PLD5: variants seen among roughly 807,000 people sequenced by gnomAD.
The protein encoded by PLD5 is inactive phospholipase D5.
Under a neutral mutation model 61.1 loss-of-function variants are expected in PLD5, and 36 were observed. That is an observed-to-expected ratio of 0.59 (90% CI 0.45 to 0.78). The LOEUF is 0.78. Ranked by LOEUF, PLD5 falls within the 30% of genes least tolerant of loss-of-function variation. The pLI, the probability that PLD5 is intolerant of heterozygous loss-of-function variation, is 0.00. For missense variants in PLD5, 515 were observed against 644.4 expected, an observed-to-expected ratio of 0.80 and a Z score of 2.17; for synonymous variants, 243 against 242.8, an observed-to-expected ratio of 1.00 and a Z score of -0.01.
chr1:242,179,457 A>G (rs1034459281), intron 5 of PLD5, among the ~76,000 whole-genome samples: 24 of 152,124 alleles, frequency 1.6e-4, no homozygotes, highest in African/African-American at 5.1e-4. Context: ...TCCCACCCCT[A>G]TTCTCTCAGT....
At chr1:242,274,671 G>T (rs552190280) in intron 3 of PLD5, among the ~76,000 whole-genome samples, 2 of 152,014 alleles carry the variant, frequency 1.3e-5, no homozygotes, top group African/African-American at 4.8e-5. Flanking sequence ...GGAGAATGGC[G>T]TGAACCCGGG....
At chr1:242,512,397 G>A (rs1181706403) in intron 1 of PLD5, among the ~76,000 whole-genome samples, 1 of 144,830 alleles carries the variant, frequency 6.9e-6, no homozygotes, top group Admixed American at 7.0e-5. Flanking sequence ...TCCAGCCCGG[G>A]TGACAGAGAC....
chr1:242,116,824 A>AT (rs1661983033), intron 6 of PLD5, among the ~76,000 whole-genome samples: 1 of 151,942 alleles, frequency 6.6e-6, no homozygotes, highest in African/African-American at 2.4e-5. Context: ...TTGATCATTT[A>AT]TTTTTTTCTT....
intron 1 of PLD5, among the ~76,000 whole-genome samples, chr1:242,386,336 A>G (rs1329304707): frequency 6.6e-6 from 1 of 152,178 alleles, no homozygotes; most frequent in Non-Finnish European, 1.5e-5. Flanking sequence ...AACAGGATAC[A>G]TTTGCAATAT....
At chr1:242,390,680 T>C (rs1265818287) in intron 1 of PLD5, among the ~76,000 whole-genome samples, 2 of 152,088 alleles carry the variant, frequency 1.3e-5, no homozygotes, top group African/African-American at 4.8e-5. Flanking sequence ...AGTAAAAACA[T>C]AAAGTTCCTG....
chr1:242,482,244 A>G (rs1013064751), intron 1 of PLD5, among the ~76,000 whole-genome samples: 4 of 152,242 alleles, frequency 2.6e-5, no homozygotes, highest in Non-Finnish European at 4.4e-5. Context: ...AAGGCTTCAG[A>G]CAATCAAACT....
chr1:242,128,783 C>T (rs1019830756), intron 5 of PLD5, among the ~76,000 whole-genome samples: 37 of 152,108 alleles, frequency 2.4e-4, no homozygotes, highest in African/African-American at 8.2e-4. Flanking sequence ...ATGGAGCAGG[C>T]TCTGGAGACA....
intron 1 of PLD5, among the ~76,000 whole-genome samples, chr1:242,437,338 A>G (rs769598209): frequency 6.6e-6 from 1 of 152,166 alleles, no homozygotes; most frequent in Non-Finnish European, 1.5e-5. Flanking sequence ...ACCGCCTGCC[A>G]AAGAAGTGAT....
chr1:242,449,391 A>G, intron 1 of PLD5: 1 of 1,536,090 alleles, frequency 6.5e-7, no homozygotes, highest in East Asian at 2.4e-5. Flanking sequence ...TGCGGAGTCC[A>G]GCAGCCAGGA....
chr1:242,112,283 CTGTGTGTGTGTGTGTG>C (rs748175841), intron 7 of PLD5, among the ~76,000 whole-genome samples: 13 of 119,760 alleles, frequency 1.1e-4, no homozygotes, highest in South Asian at 3.0e-4. Context: ...AAAGGATGCA[CTGTGTGTGTGTGTGTG>C]TGTGTGTGTG....
intron 5 of PLD5, among the ~76,000 whole-genome samples, chr1:242,129,277 AC>A (rs1224247233): frequency 6.6e-6 from 1 of 152,186 alleles, no homozygotes; most frequent in Non-Finnish European, 1.5e-5. Context: ...TGGCTACATT[AC>A]AGCTTTAGGA....
intron 5 of PLD5, among the ~76,000 whole-genome samples, chr1:242,175,096 T>A (rs1352351493): frequency 6.6e-6 from 1 of 152,150 alleles, no homozygotes; most frequent in East Asian, 1.9e-4. Flanking sequence ...CCCTAACTCA[T>A]TTTATGAGGC....
Position 242,506,467 on chromosome 1 carries a change from G to A in PLD5, c.189+17621C>T, listed in dbSNP as rs192338794. On this transcript the variant is annotated intron_variant, in intron 1 of 9. Transcript: ENST00000536534. Reference sequence around the variant, plus strand: ...GTTGAAACTATACATACTAGAGAAGGGTTAAGGACTGCAGCGTGAGGAATA... The same window carrying A: ...GTTGAAACTATACATACTAGAGAAGAGTTAAGGACTGCAGCGTGAGGAATA... Among the ~76,000 whole-genome samples, 48 of 152,206 alleles carry A rather than the reference G, an allele frequency of 3.2e-4. No homozygotes were observed. The East Asian group carries it at 6.2e-3, about 20-fold the overall frequency.
At chr1:242,107,866 A>G (rs1661184067) in intron 7 of PLD5, 27 bp from the exon 8 acceptor site, 2 of 1,557,190 alleles carry the variant, frequency 1.3e-6, no homozygotes, top group African/African-American at 2.8e-5. Flanking sequence ...CAAATAGAAA[A>G]AATAAACTAA....
chr1:242,491,238 ATC>A (rs1668140264), intron 1 of PLD5, among the ~76,000 whole-genome samples: 2 of 152,184 alleles, frequency 1.3e-5, no homozygotes, highest in South Asian at 4.1e-4. Flanking sequence ...ACATTCACTA[ATC>A]TCTTTCAAGT....
At chr1:242,174,833 G>A (rs866858130) in intron 5 of PLD5, among the ~76,000 whole-genome samples, 30 of 152,130 alleles carry the variant, frequency 2.0e-4, no homozygotes, top group African/African-American at 6.7e-4. Context: ...CTCACTCATA[G>A]GTGGGAACTG....
chr1:242,250,231 T>A lies in PLD5; in HGVS notation c.607+15106A>T, dbSNP rs547093345. Among the ~76,000 whole-genome samples, 146 of 152,366 alleles carry A rather than the reference T, an allele frequency of 9.6e-4. 1 individual carries two copies. The highest frequency in any genetic ancestry group is 1.8e-3 in the Non-Finnish European group (121 of 68,028). Reference sequence around the variant, plus strand: ...GAAATTTGAAGTGTACTCTATGTAGTGCTTTATACACCCAAAGCTTGCACT... The same window carrying A: ...GAAATTTGAAGTGTACTCTATGTAGAGCTTTATACACCCAAAGCTTGCACT... On this transcript the variant is annotated intron_variant, in intron 4 of 9. Transcript: ENST00000536534.
chr1:242,262,644 G>T (rs1673438475), intron 4 of PLD5, among the ~76,000 whole-genome samples: 3 of 152,136 alleles, frequency 2.0e-5, no homozygotes, highest in Non-Finnish European at 4.4e-5. Context: ...GTGGTATCTA[G>T]AAGAAAGACG....
chr1:242,425,797 C>A (rs1665389396), intron 1 of PLD5, among the ~76,000 whole-genome samples: 1 of 151,956 alleles, frequency 6.6e-6, no homozygotes, highest in Non-Finnish European at 1.5e-5. Flanking sequence ...TGCCCGCCAC[C>A]ACACCTGACT....
Sources: allele counts gnomAD v4.1 joint callset (sites outside exome capture counted in the v4.1 genomes callset), GRCh38; gene constraint gnomAD v4.1.1; transcripts MANE v1.5; gene names NCBI Gene and HGNC (gene_info 2026-07-23, HGNC 2026-07-21).